Variants in TBC1D12 observed in about 807,000 individuals in gnomAD.
The protein encoded by TBC1D12 is TBC1 domain family member 12, also known as TBC1 domain family, member 12.
Under a neutral mutation model 86.7 loss-of-function variants are expected in TBC1D12, and 56 were observed. The observed-to-expected ratio is 0.65, with a 90% CI of 0.52 to 0.81. TBC1D12 has a LOEUF of 0.81. TBC1D12 is among the 30% of genes least tolerant of loss of function. The pLI, the probability that TBC1D12 is intolerant of heterozygous loss-of-function variation, is 0.00. For missense variants in TBC1D12, 1,023 were observed against 1,038.8 expected, an observed-to-expected ratio of 0.98 and a Z score of 0.21; for synonymous variants, 421 against 411.7, an observed-to-expected ratio of 1.02 and a Z score of -0.27.
intron 2 of TBC1D12, among the ~76,000 whole-genome samples, chr10:94,461,827 A>G (rs959019796): frequency 6.6e-6 from 1 of 152,136 alleles, no homozygotes; most frequent in Non-Finnish European, 1.5e-5. Context: ...CTGTGGCTTC[A>G]TGTCTTTGGT....
At chr10:94,496,813 C>T (rs183124825) in intron 4 of TBC1D12, among the ~76,000 whole-genome samples, 4 of 152,114 alleles carry the variant, frequency 2.6e-5, no homozygotes, top group South Asian at 2.1e-4. Flanking sequence ...ACCTGAGCAA[C>T]GTGGCGAGAC....
intron 9 of TBC1D12, among the ~76,000 whole-genome samples, chr10:94,517,298 A>C (rs1842023902): frequency 6.6e-6 from 1 of 152,130 alleles, no homozygotes; most frequent in African/African-American, 2.4e-5. Context: ...GAATTGCTTG[A>C]ATCCAGGAGG....
intron 3 of TBC1D12, among the ~76,000 whole-genome samples, chr10:94,479,987 G>A (rs2056052488): frequency 6.6e-6 from 1 of 152,112 alleles, no homozygotes; most frequent in Admixed American, 6.6e-5. Context: ...CCGCAGAACG[G>A]GCTTGGGGAC....
chr10:94,476,585 T>C (rs2055991214), intron 3 of TBC1D12, among the ~76,000 whole-genome samples: 1 of 152,194 alleles, frequency 6.6e-6, no homozygotes, highest in Non-Finnish European at 1.5e-5. Context: ...CTTTAGACTT[T>C]GCAGCTGTCA....
rs192379670 is a variant in TBC1D12, at chr10:94,463,597, C to T, written c.1096-11071C>T. Among the ~76,000 whole-genome samples the T allele has an allele frequency of 3.9e-4, 59 of 152,308 alleles. 1 individual carries two copies. Among genetic ancestry groups the T allele is most frequent in the African/African-American group, 1.3e-3 (52 of 41,576 alleles). ...TACTATCACACTGGGGATTAAATTTCAACACCAGTTTTGGAAGGGACAAAT... is the reference window on the plus strand; with the variant it reads ...TACTATCACACTGGGGATTAAATTTTAACACCAGTTTTGGAAGGGACAAAT... On this transcript the variant is annotated intron_variant, in intron 2 of 12. Transcript: ENST00000225235.
chr10:94,498,927 G>A (rs1285745703), intron 5 of TBC1D12, among the ~76,000 whole-genome samples: 5 of 151,868 alleles, frequency 3.3e-5, no homozygotes, highest in African/African-American at 9.7e-5. Flanking sequence ...GTGCTAACAC[G>A]TCCAGCTAAG....
At chr10:94,461,871 C>T (rs578261486) in intron 2 of TBC1D12, among the ~76,000 whole-genome samples, 3 of 152,090 alleles carry the variant, frequency 2.0e-5, no homozygotes, top group East Asian at 3.8e-4. Flanking sequence ...TTTCAGTTTG[C>T]TTAGGTTTTT....
intron 1 of TBC1D12, among the ~76,000 whole-genome samples, chr10:94,438,865 G>A (rs753419414): frequency 2.0e-5 from 3 of 151,632 alleles, no homozygotes; most frequent in Non-Finnish European, 4.4e-5. Context: ...GTACAGTGGT[G>A]CGATCTCAGC....
intron 4 of TBC1D12, 104 bp downstream of exon 4, chr10:94,493,551 T>G: frequency 1.1e-6 from 1 of 904,612 alleles, no homozygotes; most frequent in Non-Finnish European, 1.7e-6. Context: ...ATTCTTTTTT[T>G]TATTTCTTTT....
chr10:94,440,317 G>GC (rs1184677916), intron 1 of TBC1D12, among the ~76,000 whole-genome samples: 1 of 151,892 alleles, frequency 6.6e-6, no homozygotes, highest in African/African-American at 2.4e-5. Context: ...TACAAGGTGT[G>GC]CACCACCATG....
intron 9 of TBC1D12, among the ~76,000 whole-genome samples, chr10:94,513,785 C>T (rs1266210091): frequency 6.6e-6 from 1 of 152,052 alleles, no homozygotes; most frequent in African/African-American, 2.4e-5. Context: ...ATCTTGAACT[C>T]CTGGCTCAAG....
At chr10:94,440,559 C>T (rs2134089041) in intron 1 of TBC1D12, among the ~76,000 whole-genome samples, 1 of 152,260 alleles carries the variant, frequency 6.6e-6, no homozygotes, top group South Asian at 2.1e-4. Context: ...TTTCTATTAT[C>T]ACTAATCTGC....
chr10:94,530,329 A>G (rs767815495), intron 11 of TBC1D12, among the ~76,000 whole-genome samples: 4 of 152,174 alleles, frequency 2.6e-5, no homozygotes, highest in Non-Finnish European at 5.9e-5. Flanking sequence ...TGGTGATTCT[A>G]TTGGAAGGTA....
At chr10:94,499,399 G>A (rs924062677) in intron 5 of TBC1D12, among the ~76,000 whole-genome samples, 1 of 152,132 alleles carries the variant, frequency 6.6e-6, no homozygotes, top group Non-Finnish European at 1.5e-5. Context: ...CCACATATAA[G>A]TGAGGTTATG....
At chr10:94,531,729 TTTATG>T (rs1276774313) in intron 12 of TBC1D12, among the ~76,000 whole-genome samples, 18 of 88,668 alleles carry the variant, frequency 2.0e-4, no homozygotes, top group Admixed American at 5.4e-4. Flanking sequence ...TTTATGTTAT[TTTATG>T]TTATGTTATT....
intron 3 of TBC1D12, among the ~76,000 whole-genome samples, chr10:94,475,187 C>G (rs2055970957): frequency 6.6e-6 from 1 of 152,206 alleles, no homozygotes; most frequent in African/African-American, 2.4e-5. Flanking sequence ...TCTATTTCAA[C>G]TCTCTGCTCC....
intron 4 of TBC1D12, among the ~76,000 whole-genome samples, chr10:94,494,249 C>T (rs188665329): frequency 2.0e-4 from 31 of 152,190 alleles, no homozygotes; most frequent in African/African-American, 6.0e-4. Flanking sequence ...GATAAACATA[C>T]ATTTTTAGAA....
At chr10:94,416,876 A>G (rs993594418) in intron 1 of TBC1D12, among the ~76,000 whole-genome samples, 2 of 152,118 alleles carry the variant, frequency 1.3e-5, no homozygotes, top group Non-Finnish European at 2.9e-5. Flanking sequence ...TAACATATAT[A>G]TAGAATTATA....
chr10:94,464,411 G>C (rs1196741978), intron 2 of TBC1D12, among the ~76,000 whole-genome samples: 1 of 151,404 alleles, frequency 6.6e-6, no homozygotes, highest in African/African-American at 2.4e-5. Context: ...TTACTTTTTT[G>C]GTGGTTGCTG....
Sources: gnomAD v4.1 joint callset for allele counts (sites outside exome capture counted in the v4.1 genomes callset) on GRCh38, gnomAD v4.1.1 for gene constraint, MANE v1.5 for transcripts, NCBI Gene and HGNC (gene_info 2026-07-23, HGNC 2026-07-21) for gene names.